Variants in REPS2 observed in about 807,000 individuals in gnomAD.
REPS2 encodes the protein ralBP1-associated Eps domain-containing protein 2.
Under a neutral mutation model 53.6 loss-of-function variants are expected in REPS2, and 23 were observed. That is an observed-to-expected ratio of 0.43 (90% CI 0.31 to 0.61). The LOEUF is 0.61. Ranked by LOEUF, REPS2 falls within the 20% of genes least tolerant of loss-of-function variation. The pLI is 0.11. For synonymous variants in REPS2, 238 were observed against 218.6 expected, an observed-to-expected ratio of 1.09 and a Z score of -0.78; for missense variants, 446 against 534.9, an observed-to-expected ratio of 0.83 and a Z score of 1.64.
At position 17,074,494 on chromosome X, in the gene REPS2, C is replaced by T. The variant is rs377159754; in HGVS notation, c.1379+335C>T. On this transcript the variant is annotated intron_variant, in intron 12 of 17. Coordinates refer to ENST00000357277, the MANE Select transcript of REPS2 (RefSeq NM_004726.3). The stretch of plus-strand genomic sequence containing the variant: ...GAAAATATGGGTAAGGTAACAGACA[C>T]GAAAATTTGCTATCATGACAAGGTG... 5.9e-5 allele frequency: 10 copies of T among 169,557 alleles called. No homozygotes were observed. The South Asian group carries it at 8.9e-4, about 15-fold the overall frequency. The allele number at this position is 169,557 out of a possible 1,213,427, so 14.0% of individuals were successfully genotyped here.
At chrX:17,013,039 T>C (rs1185695911) in intron 2 of REPS2, among the ~76,000 whole-genome samples, 1 of 112,452 alleles carries the variant, frequency 8.9e-6, no homozygotes, top group Non-Finnish European at 1.9e-5. Context: ...ACAGTTGTTC[T>C]CCACCTAGGT....
chrX:16,996,357 G>A (rs1409545909), intron 1 of REPS2, among the ~76,000 whole-genome samples: 3 of 111,628 alleles, frequency 2.7e-5, no homozygotes, highest in Non-Finnish European at 3.8e-5. Context: ...GAGGTGTTTG[G>A]ATTTGCCATG....
At chrX:17,077,174 T>C in intron 12 of REPS2, 97 bp from the exon 13 acceptor site, 2 of 929,833 alleles carry the variant, frequency 2.2e-6, no homozygotes, top group Non-Finnish European at 2.9e-6. Context: ...CGGTTCTTTG[T>C]AGTCACTTTG....
Position 17,103,739 on chromosome X carries a change from C to T in REPS2, c.1538C>T (p.Pro513Leu). 3 of 1,210,081 alleles carry T rather than the reference C, an allele frequency of 2.5e-6. No homozygotes were observed. Among genetic ancestry groups the T allele is most frequent in the Non-Finnish European group, 2.2e-6 (2 of 894,650 alleles). ...TCAGCTACCAAGTCAGGATTGTTAC[C>T]CCCACCACCTGCGCTCCCTCCAAGA... Reference protein sequence around the residue: ...SVPATKSGLLPPPPALPPRPC... With the variant: ...SVPATKSGLLLPPPALPPRPC... The change falls in exon 14 of 18, where the codon CCC becomes CTC. Residue 513 changes from proline to leucine, a missense_variant. Physicochemically the swap from Pro to Leu is moderately conservative, Grantham distance 98. Coordinates refer to ENST00000357277, the MANE Select transcript of REPS2 (RefSeq NM_004726.3).
chrX:17,071,959 G>C (rs2062312985), intron 11 of REPS2, among the ~76,000 whole-genome samples: 1 of 111,693 alleles, frequency 9.0e-6, no homozygotes, highest in Admixed American at 9.5e-5. Flanking sequence ...TAATTCAGCA[G>C]AGCACCATGC....
intron 11 of REPS2, among the ~76,000 whole-genome samples, chrX:17,073,065 A>G (rs1471407301): frequency 9.0e-6 from 1 of 111,633 alleles, no homozygotes; most frequent in African/African-American, 3.3e-5. Context: ...AGCATTTATG[A>G]GGATTTTCAC....
chrX:17,044,577 C>T (rs1165472440), intron 5 of REPS2: 3 of 111,425 alleles, frequency 2.7e-5, no homozygotes, highest in Admixed American at 1.9e-4. Context: ...GACCCACATC[C>T]CACCTTCTTC....
chrX:17,063,812 T>C (rs1434812655), intron 9 of REPS2, among the ~76,000 whole-genome samples: 1 of 110,292 alleles, frequency 9.1e-6, no homozygotes, highest in African/African-American at 3.3e-5. Context: ...TGACTATGTG[T>C]GTGTGTGTGT....
At chrX:17,013,862 C>T (rs1467305521) in intron 2 of REPS2, among the ~76,000 whole-genome samples, 1 of 110,967 alleles carries the variant, frequency 9.0e-6, no homozygotes, top group African/African-American at 3.3e-5. Context: ...GGACAAAGTT[C>T]GCCTATGCAG....
At chrX:16,966,922 G>A (rs954645926) in intron 1 of REPS2, among the ~76,000 whole-genome samples, 1 of 112,029 alleles carries the variant, frequency 8.9e-6, no homozygotes, top group Non-Finnish European at 1.9e-5. Context: ...CAAATGAGGC[G>A]TACTTGTTAG....
chrX:17,104,421 C>T (rs1183233917), intron 14 of REPS2, among the ~76,000 whole-genome samples: 2 of 112,142 alleles, frequency 1.8e-5, no homozygotes, highest in African/African-American at 6.5e-5. Context: ...GTATATGGTG[C>T]TACAGATCTT....
intron 1 of REPS2, among the ~76,000 whole-genome samples, chrX:16,949,069 TTGGTGGTGG>T (rs3083679): frequency 9.6e-6 from 1 of 104,028 alleles, no homozygotes; most frequent in Non-Finnish European, 2.0e-5. Context: ...ACCCATCACT[TTGGTGGTGG>T]TGGTGGTGGT....
At chrX:16,963,729 G>C (rs1046079494) in intron 1 of REPS2, among the ~76,000 whole-genome samples, 1 of 111,278 alleles carries the variant, frequency 9.0e-6, no homozygotes, top group Non-Finnish European at 1.9e-5. Context: ...AGGTTGCGCT[G>C]GGGGGGCCAG....
At chrX:16,951,560 C>CA (rs1555906117) in intron 1 of REPS2, among the ~76,000 whole-genome samples, 483 of 19,885 alleles carry the variant, frequency 0.024, 13 homozygotes, top group East Asian at 0.2. Context: ...CACACACACA[C>CA]CCCCGCTACC....
At chrX:17,175,284 T>C in the REPS2 span, among the ~76,000 whole-genome samples, 1 of 112,306 alleles carries the variant, frequency 8.9e-6, no homozygotes, top group Admixed American at 9.4e-5. Flanking sequence ...TGTCAGGCAT[T>C]GTATGGGCAC....
chrX:17,008,203 T>C (rs1271583131), intron 2 of REPS2, among the ~76,000 whole-genome samples: 1 of 112,507 alleles, frequency 8.9e-6, no homozygotes, highest in East Asian at 2.8e-4. Context: ...CACACTGAAT[T>C]TGGATTTGTG....
chrX:17,076,125 G>C (rs2062377872), intron 12 of REPS2, among the ~76,000 whole-genome samples: 1 of 112,000 alleles, frequency 8.9e-6, no homozygotes. Context: ...AAGAATCCTT[G>C]AGAAATTTAT....
intron 6 of REPS2, among the ~76,000 whole-genome samples, chrX:17,051,550 A>G (rs1185541962): frequency 8.9e-6 from 1 of 112,467 alleles, no homozygotes; most frequent in Non-Finnish European, 1.9e-5. Flanking sequence ...GAATAATTCC[A>G]TTATATCAGT....
At chrX:17,030,610 C>A (rs1183668909) in intron 5 of REPS2, among the ~76,000 whole-genome samples, 3 of 111,869 alleles carry the variant, frequency 2.7e-5, no homozygotes, top group African/African-American at 9.8e-5. Context: ...ACTTGATTTT[C>A]TAAGGTGGGA....
Sources: allele counts gnomAD v4.1 joint callset (sites outside exome capture counted in the v4.1 genomes callset), GRCh38; gene constraint gnomAD v4.1.1; transcripts MANE v1.5; gene names NCBI Gene and HGNC (gene_info 2026-07-23, HGNC 2026-07-21).